ASAP2: variants seen among roughly 807,000 people sequenced by gnomAD.
ASAP2 encodes ArfGAP with SH3 domain, ankyrin repeat and PH domain 2.
Under a neutral mutation model 131.4 loss-of-function variants are expected in ASAP2, and 45 were observed. The observed-to-expected ratio is 0.34, with a 90% confidence interval of 0.27 to 0.44. ASAP2 has a LOEUF of 0.44. Ranked by LOEUF, ASAP2 falls within the 20% of genes least tolerant of loss-of-function variation. The pLI is 1.00. For synonymous variants in ASAP2, 510 were observed against 503.0 expected, an observed-to-expected ratio of 1.01 and a Z score of -0.19; for missense variants, 1,011 against 1,297.0, an observed-to-expected ratio of 0.78 and a Z score of 3.39.
At chr2:9,300,136 G>A (rs771099150) in intron 3 of ASAP2, among the ~76,000 whole-genome samples, 11 of 152,228 alleles carry the variant, frequency 7.2e-5, no homozygotes, top group Non-Finnish European at 1.5e-4. Flanking sequence ...GGGAGGCTGA[G>A]GCTGAAGAAT....
chr2:9,381,303 C>T (rs143920944), intron 20 of ASAP2, among the ~76,000 whole-genome samples: 4 of 152,240 alleles, frequency 2.6e-5, no homozygotes, highest in African/African-American at 7.2e-5. Context: ...TTGCCGGGGG[C>T]TCCCCAGCTT....
rs1441840585 is a variant in ASAP2, at chr2:9,395,586, T to TTTTTTTTC, written c.2684+1947_2684+1954dup. Among the ~76,000 whole-genome samples, 263 of 129,188 alleles carry TTTTTTTTC rather than the reference T, an allele frequency of 2.0e-3. 2 individuals carry two copies. Among genetic ancestry groups the TTTTTTTTC allele is most frequent in the African/African-American group, 7.6e-3 (255 of 33,398 alleles). The allele number at this position is 129,188 out of a possible 152,430, so 84.8% of individuals were successfully genotyped here. ...TTTGTTTTGTTTTGTTTTTCTTGTG[T>TTTTTTTTC]TTTTTTTCTTTTTTTTTTTTTTTTT... On this transcript the variant is annotated intron_variant, in intron 24 of 27. Coordinates refer to ENST00000281419, the MANE Select transcript of ASAP2 (RefSeq NM_003887.3).
chr2:9,384,792 T>G (rs988198970), intron 20 of ASAP2, among the ~76,000 whole-genome samples: 1 of 152,158 alleles, frequency 6.6e-6, no homozygotes, highest in African/African-American at 2.4e-5. Flanking sequence ...CCTCTTTGAT[T>G]TTTATGGAAG....
At chr2:9,282,200 G>C (rs1429883958) in intron 2 of ASAP2, among the ~76,000 whole-genome samples, 1 of 152,126 alleles carries the variant, frequency 6.6e-6, no homozygotes, top group African/African-American at 2.4e-5. Context: ...CTTGGAGGGG[G>C]TCTCCTATTT....
At chr2:9,358,678 A>T (rs1672874686) in intron 14 of ASAP2, 78 bp from the exon 15 acceptor site, 1 of 1,518,840 alleles carries the variant, frequency 6.6e-7, no homozygotes. Flanking sequence ...CTTGTTCAGT[A>T]ACTATGCAGG....
chr2:9,318,253 A>C (rs1010447546), intron 3 of ASAP2, among the ~76,000 whole-genome samples: 13 of 152,218 alleles, frequency 8.5e-5, no homozygotes, highest in African/African-American at 3.1e-4. Flanking sequence ...CTTCACTGCA[A>C]TGATTGTCTC....
intron 1 of ASAP2, among the ~76,000 whole-genome samples, chr2:9,259,781 G>T (rs1015219018): frequency 6.6e-6 from 1 of 152,200 alleles, no homozygotes; most frequent in Non-Finnish European, 1.5e-5. Context: ...ATCTGAGGCC[G>T]ACAGGCAAAG....
At chr2:9,212,576 C>T (rs562012594) in intron 1 of ASAP2, among the ~76,000 whole-genome samples, 10 of 151,986 alleles carry the variant, frequency 6.6e-5, no homozygotes, top group South Asian at 6.2e-4. Context: ...GCTGCTCAGA[C>T]CAAGAATTTG....
intron 3 of ASAP2, among the ~76,000 whole-genome samples, chr2:9,312,363 C>G (rs1669357875): frequency 6.6e-6 from 1 of 152,204 alleles, no homozygotes; most frequent in African/African-American, 2.4e-5. Flanking sequence ...TTCTCTCTCT[C>G]CAGCTGCTGC....
intron 2 of ASAP2, among the ~76,000 whole-genome samples, chr2:9,282,673 C>T (rs1362310334): frequency 6.6e-6 from 1 of 152,204 alleles, no homozygotes; most frequent in East Asian, 1.9e-4. Context: ...AAGGCAATTC[C>T]TGTATAGGAA....
Position 9,334,733 on chromosome 2 carries a change from G to C in ASAP2, c.687-5G>C, listed in dbSNP as rs1029256300. Reference sequence around the variant, plus strand: ...GTCATCTCTGTTTCTTCTTTTTCCTGCTAGTTTTTTTCAGGATGGACTCAA... The same window carrying C: ...GTCATCTCTGTTTCTTCTTTTTCCTCCTAGTTTTTTTCAGGATGGACTCAA... On this transcript the variant is annotated splice_polypyrimidine_tract_variant and splice_region_variant and intron_variant, in intron 7 of 27. Transcript: ENST00000281419. 3.1e-6 allele frequency: 5 copies of C among 1,611,160 alleles called. No individual in the cohort carries two copies. Among genetic ancestry groups the C allele is most frequent in the Non-Finnish European group, 4.2e-6 (5 of 1,178,768 alleles).
chr2:9,379,774 C>T (rs951038578), intron 19 of ASAP2, among the ~76,000 whole-genome samples: 12 of 152,124 alleles, frequency 7.9e-5, no homozygotes, highest in Non-Finnish European at 1.8e-4. Context: ...TGCAGTGGCT[C>T]ACGAGGTCAA....
At chr2:9,347,071 T>G (rs1672012927) in intron 11 of ASAP2, among the ~76,000 whole-genome samples, 1 of 151,880 alleles carries the variant, frequency 6.6e-6, no homozygotes, top group Non-Finnish European at 1.5e-5. Flanking sequence ...CTTCCAGAGG[T>G]CTCCTCCTGC....
chr2:9,223,180 C>T (rs1299569883), intron 1 of ASAP2, among the ~76,000 whole-genome samples: 1 of 152,068 alleles, frequency 6.6e-6, no homozygotes, highest in Non-Finnish European at 1.5e-5. Context: ...GTTTATTGTT[C>T]TATATTTTAA....
At chr2:9,251,811 A>G (rs1324065265) in intron 1 of ASAP2, among the ~76,000 whole-genome samples, 2 of 152,122 alleles carry the variant, frequency 1.3e-5, no homozygotes, top group Non-Finnish European at 2.9e-5. Flanking sequence ...AACAGCTGCC[A>G]GGAAGGAAGA....
chr2:9,272,231 G>A lies in ASAP2; in HGVS notation c.127-7086G>A, dbSNP rs180973459. On this transcript the variant is annotated intron_variant, in intron 1 of 27. Coordinates refer to ENST00000281419, the MANE Select transcript of ASAP2 (RefSeq NM_003887.3). ...TCCCCACAAGCATTTGTTATTGCCT[G>A]CCTTTTGCCTATAAACCATTTTAAC... 2.0e-5 allele frequency among the ~76,000 whole-genome samples: 3 copies of A among 152,254 alleles called. No homozygotes were observed. In the East Asian group the frequency reaches 5.8e-4, roughly 29 times the overall value.
chr2:9,312,398 C>T (rs1486801434), intron 3 of ASAP2, among the ~76,000 whole-genome samples: 1 of 152,190 alleles, frequency 6.6e-6, no homozygotes, highest in Non-Finnish European at 1.5e-5. Context: ...TCGACTGCCA[C>T]GGCTGGCAGG....
At chr2:9,279,004 C>T (rs998438080) in intron 1 of ASAP2, among the ~76,000 whole-genome samples, 11 of 152,310 alleles carry the variant, frequency 7.2e-5, no homozygotes, top group East Asian at 1.9e-4. Flanking sequence ...TAATTCACTT[C>T]GCTGCAGAGG....
chr2:9,308,661 A>G (rs1669103380), intron 3 of ASAP2, among the ~76,000 whole-genome samples: 1 of 152,176 alleles, frequency 6.6e-6, no homozygotes, highest in Admixed American at 6.5e-5. Context: ...CTGTGCCAGC[A>G]GGAGTTTCAG....
Sources: allele counts gnomAD v4.1 joint callset (sites outside exome capture counted in the v4.1 genomes callset), GRCh38; gene constraint gnomAD v4.1.1; transcripts MANE v1.5; gene names NCBI Gene and HGNC (gene_info 2026-07-23, HGNC 2026-07-21).